Variants in GRM7 observed in about 807,000 individuals in gnomAD.
GRM7 encodes the protein metabotropic glutamate receptor 7.
Under a neutral mutation model 84.5 loss-of-function variants are expected in GRM7, and 35 were observed. The ratio of observed to expected loss-of-function variants is 0.41; its 90% confidence interval spans 0.32 to 0.55. GRM7 has a LOEUF of 0.55. Among genes scored for constraint, GRM7 ranks in the 20% least tolerant of loss-of-function variants. GRM7 has a pLI of 0.19. For missense variants in GRM7, 1,003 were observed against 1,194.6 expected (o/e 0.84, Z 2.36); for synonymous variants, 487 against 455.1 (o/e 1.07, Z -0.89).
chr3:7,362,965 AT>A (rs1693731490), intron 4 of GRM7, among the ~76,000 whole-genome samples: 1 of 151,998 alleles, frequency 6.6e-6, no homozygotes, highest in African/African-American at 2.4e-5. Flanking sequence ...GAAAATAAAA[AT>A]AAAAAGTTAC....
intron 4 of GRM7, among the ~76,000 whole-genome samples, chr3:7,386,348 T>G (rs1694785398): frequency 6.6e-6 from 1 of 152,200 alleles, no homozygotes; most frequent in Admixed American, 6.5e-5. Flanking sequence ...TGCTTAGGTT[T>G]GGGCTTCTAA....
intron 1 of GRM7, among the ~76,000 whole-genome samples, chr3:6,944,717 T>A (rs914631706): frequency 5.3e-5 from 8 of 152,190 alleles, no homozygotes; most frequent in African/African-American, 1.9e-4. Context: ...GGATTTGCCC[T>A]CCTCACGTTT....
At position 7,033,863 on chromosome 3, in the gene GRM7, A is replaced by C. The variant is rs908790496; in HGVS notation, c.520-112589A>C. On this transcript the variant is annotated intron_variant, in intron 1 of 9. Coordinates refer to ENST00000357716, the MANE Select transcript of GRM7 (RefSeq NM_000844.4). ...AAGTGACTCGAGGGTGTGAAAGTGA[A>C]GAAGAGGACCAAGTAGTATTCATTT... Among the ~76,000 whole-genome samples, 5 of 152,286 alleles carry C rather than the reference A, an allele frequency of 3.3e-5. No homozygotes were observed. The East Asian group carries it at 5.8e-4, about 18-fold the overall frequency.
chr3:7,608,367 T>G (rs1195569014), intron 8 of GRM7, among the ~76,000 whole-genome samples: 1 of 152,168 alleles, frequency 6.6e-6, no homozygotes, highest in Non-Finnish European at 1.5e-5. Context: ...CCTTTATTCC[T>G]GCAACCTTGC....
intron 2 of GRM7, among the ~76,000 whole-genome samples, chr3:7,262,157 T>G (rs941036564): frequency 6.6e-6 from 1 of 151,842 alleles, no homozygotes; most frequent in Non-Finnish European, 1.5e-5. Context: ...TTAGGGATCA[T>G]CTTCTTGTGA....
chr3:7,057,036 A>T (rs1249675135), intron 1 of GRM7, among the ~76,000 whole-genome samples: 1 of 151,962 alleles, frequency 6.6e-6, no homozygotes, highest in Non-Finnish European at 1.5e-5. Context: ...CTGTATATGT[A>T]TGTGGTGTGA....
intron 1 of GRM7, among the ~76,000 whole-genome samples, chr3:7,135,697 A>G (rs189133241): frequency 6.6e-6 from 1 of 152,230 alleles, no homozygotes; most frequent in East Asian, 1.9e-4. Flanking sequence ...ATAAAAAAAT[A>G]TACTGAGAAA....
At chr3:7,446,334 A>G (rs181326773) in intron 5 of GRM7, among the ~76,000 whole-genome samples, 3 of 152,152 alleles carry the variant, frequency 2.0e-5, no homozygotes, top group African/African-American at 4.8e-5. Context: ...TCTTTCTGGC[A>G]TCTGTGTGTC....
rs1202593258 is a variant in GRM7, at chr3:7,517,319, TAAAC to T, written c.1515+55601_1515+55604del. ...GTCAAACAGAAAATGTTTGTATAAA[TAAAC>T]AAATGTGTGATATTATTGTAATAAT... On this transcript the variant is annotated intron_variant, in intron 7 of 9. Transcript: ENST00000357716. Among the ~76,000 whole-genome samples, 23 of 152,242 alleles carry T rather than the reference TAAAC, an allele frequency of 1.5e-4. No homozygotes were observed. The East Asian group carries it at 2.3e-3, about 15-fold the overall frequency.
chr3:7,294,592 A>G (rs1444224664), intron 2 of GRM7, among the ~76,000 whole-genome samples: 3 of 151,946 alleles, frequency 2.0e-5, no homozygotes, highest in Admixed American at 6.6e-5. Context: ...ATGTTTGGCT[A>G]GAATATCATT....
At chr3:7,639,792 T>C (rs775259406) in intron 8 of GRM7, among the ~76,000 whole-genome samples, 2 of 152,206 alleles carry the variant, frequency 1.3e-5, no homozygotes, top group Non-Finnish European at 2.9e-5. Flanking sequence ...TGTACACTTA[T>C]GTAACTGTCG....
chr3:7,198,954 GT>G (rs989346467), intron 2 of GRM7, among the ~76,000 whole-genome samples: 1 of 152,160 alleles, frequency 6.6e-6, no homozygotes, highest in Admixed American at 6.5e-5. Flanking sequence ...ATCTTTAAAA[GT>G]TTTTTAATGG....
chr3:7,177,984 G>T (rs569644666), intron 2 of GRM7, among the ~76,000 whole-genome samples: 1 of 152,100 alleles, frequency 6.6e-6, no homozygotes, highest in African/African-American at 2.4e-5. Flanking sequence ...TAGAAAACTT[G>T]CTTTCTTGCT....
chr3:7,553,522 T>C (rs1202400658), intron 7 of GRM7, among the ~76,000 whole-genome samples: 1 of 152,156 alleles, frequency 6.6e-6, no homozygotes, highest in Non-Finnish European at 1.5e-5. Flanking sequence ...GGGTAATTTA[T>C]ATAGGAAAGA....
chr3:7,371,622 T>C (rs1026966716), intron 4 of GRM7, among the ~76,000 whole-genome samples: 4 of 152,140 alleles, frequency 2.6e-5, no homozygotes, highest in Non-Finnish European at 4.4e-5. Context: ...CAATGCACAA[T>C]GATGTACGTT....
At chr3:7,149,461 T>G (rs1176533605) in intron 2 of GRM7, among the ~76,000 whole-genome samples, 1 of 152,122 alleles carries the variant, frequency 6.6e-6, no homozygotes, top group East Asian at 1.9e-4. Context: ...AAAGAAAAAT[T>G]TATCTATTGG....
At chr3:7,227,047 A>G (rs1367567957) in intron 2 of GRM7, among the ~76,000 whole-genome samples, 2 of 152,214 alleles carry the variant, frequency 1.3e-5, no homozygotes, top group Non-Finnish European at 2.9e-5. Flanking sequence ...AGAAGAAAAG[A>G]GAATTCAACT....
At chr3:7,579,437 A>C in intron 8 of GRM7, 80 bp downstream of exon 8, 1 of 822,366 alleles carries the variant, frequency 1.2e-6, no homozygotes, top group Non-Finnish European at 1.9e-6. Flanking sequence ...TTGATTGTAT[A>C]AAGTAAGAAG....
chr3:7,624,925 A>G (rs1172419647), intron 8 of GRM7, among the ~76,000 whole-genome samples: 5 of 152,166 alleles, frequency 3.3e-5, no homozygotes, highest in Non-Finnish European at 7.4e-5. Flanking sequence ...GCGGCATTTG[A>G]GAGTCATCTC....
Sources: gnomAD v4.1 joint callset for allele counts (sites outside exome capture counted in the v4.1 genomes callset) on GRCh38, gnomAD v4.1.1 for gene constraint, MANE v1.5 for transcripts, NCBI Gene and HGNC (gene_info 2026-07-23, HGNC 2026-07-21) for gene names.